HORMAD1: variants seen among roughly 807,000 people sequenced by gnomAD.
HORMAD1 encodes the protein HORMA domain containing 1.
HORMAD1 carries 33 observed loss-of-function variants against 58.2 expected under a neutral mutation model. That is an observed-to-expected ratio of 0.57 (90% CI 0.43 to 0.76). The LOEUF is 0.76. Among genes scored for constraint, HORMAD1 ranks in the 30% least tolerant of loss-of-function variants. The pLI, the probability that HORMAD1 is intolerant of heterozygous loss-of-function variation, is 0.00. For missense variants in HORMAD1, 363 were observed against 462.0 expected (o/e 0.79, Z 1.96); for synonymous variants, 137 against 144.6 (o/e 0.95, Z 0.38).
intron 10 of HORMAD1, among the ~76,000 whole-genome samples, chr1:150,704,750 A>C (rs1390325119): frequency 6.0e-5 from 9 of 151,122 alleles, no homozygotes; most frequent in Admixed American, 5.9e-4. Context: ...ACAAACAAAC[A>C]AAAAAACCCA....
chr1:150,711,763 G>C, intron 6 of HORMAD1, 70 bp downstream of exon 6: 2 of 1,050,152 alleles, frequency 1.9e-6, no homozygotes, highest in Non-Finnish European at 1.5e-6. Flanking sequence ...GATAGTTTTA[G>C]TGTCATTTAA....
At chr1:150,720,065 C>CACCACAGCCAGCATAT (rs58677366) in intron 1 of HORMAD1, among the ~76,000 whole-genome samples, 49,570 of 149,924 alleles carry the variant, frequency 0.33, 8,450 homozygotes, top group South Asian at 0.52. Context: ...AGGTGCCCAC[C>CACCACAGCCAGCATAT]ATATATATAT....
chr1:150,709,939 C>T (rs1182982462), intron 7 of HORMAD1, among the ~76,000 whole-genome samples: 2 of 152,138 alleles, frequency 1.3e-5, no homozygotes, highest in Non-Finnish European at 2.9e-5. Context: ...GACATAGATT[C>T]TATTGCTCAC....
At chr1:150,710,602 CTA>C (rs1651845540) in intron 7 of HORMAD1, among the ~76,000 whole-genome samples, 2 of 152,170 alleles carry the variant, frequency 1.3e-5, no homozygotes, top group African/African-American at 2.4e-5. Flanking sequence ...TGAACACAAT[CTA>C]TTAATTCACA....
At position 150,706,676 on chromosome 1, in the gene HORMAD1, G is replaced by A. The variant is rs779694872; in HGVS notation, c.681C>T (p.Thr227=). The A allele has an allele frequency of 2.5e-6, 4 of 1,613,194 alleles. No homozygotes were observed. Among genetic ancestry groups the A allele is most frequent in the South Asian group, 2.2e-5 (2 of 91,044 alleles). The part of the protein sequence containing the change: ...TPFHIFKVKV[T]TERERMENID... ...TATTTTCCATTCGTTCTCTCTCAGT[G>A]GTCACTTTTACTTTGAAGATGTGAA... The change falls in exon 10 of 15, where the codon ACC becomes ACT. Residue 227 remains threonine (T), a synonymous_variant. Coordinates refer to ENST00000361824, the MANE Select transcript of HORMAD1 (RefSeq NM_032132.5).
At chr1:150,714,181 T>C in intron 4 of HORMAD1, 60 bp from the exon 5 acceptor site, 2 of 1,046,222 alleles carry the variant, frequency 1.9e-6, no homozygotes, top group Non-Finnish European at 2.9e-6. Flanking sequence ...AATAGTTATT[T>C]TCATAAATTT....
intron 9 of HORMAD1, among the ~76,000 whole-genome samples, chr1:150,707,295 C>T (rs1183743497): frequency 1.3e-5 from 2 of 152,070 alleles, no homozygotes; most frequent in African/African-American, 2.4e-5. Context: ...GAGCTCATAC[C>T]ATTCCATACC....
intron 7 of HORMAD1, 29 bp from the exon 8 acceptor site, chr1:150,708,990 T>G: frequency 1.8e-6 from 2 of 1,087,262 alleles, no homozygotes; most frequent in Non-Finnish European, 2.8e-6. Context: ...CAGTTATGCT[T>G]CTGATATTCA....
At chr1:150,699,333 T>G (rs970322153) in intron 14 of HORMAD1, among the ~76,000 whole-genome samples, 1 of 152,108 alleles carries the variant, frequency 6.6e-6, no homozygotes, top group Non-Finnish European at 1.5e-5. Context: ...TCTCCAGAGG[T>G]ACTAGGAGGA....
intron 2 of HORMAD1, among the ~76,000 whole-genome samples, 180 bp downstream of exon 2, chr1:150,719,293 A>T (rs201335673): frequency 2.3e-3 from 1 of 430 alleles, no homozygotes; most frequent in Non-Finnish European, 0.12. Flanking sequence ...AAAAAAAAAA[A>T]AGAATTCTCA....
At chr1:150,720,143 C>T (rs915706276) in intron 1 of HORMAD1, among the ~76,000 whole-genome samples, 1 of 151,892 alleles carries the variant, frequency 6.6e-6, no homozygotes, top group Non-Finnish European at 1.5e-5. Flanking sequence ...GGCGCGATCT[C>T]GGCTCACCGC....
Position 150,704,198 on chromosome 1 carries a change from TAA to T in HORMAD1, c.872-6_872-5del, listed in dbSNP as rs367543855. On this transcript the variant is annotated splice_polypyrimidine_tract_variant and splice_region_variant and intron_variant, in intron 11 of 14. Coordinates refer to ENST00000361824, the MANE Select transcript of HORMAD1 (RefSeq NM_032132.5). Reference sequence around the variant, plus strand: ...TCCTCACAAACTAAACTTGGTTCTGTAAAAAAAAAAAAAAAAAGTTACCCGGG... The same window carrying T: ...TCCTCACAAACTAAACTTGGTTCTGTAAAAAAAAAAAAAAAGTTACCCGGG... 0.027 allele frequency: 36,400 copies of T among 1,344,684 alleles called. 1 individual carries two copies. The highest frequency in any genetic ancestry group is 0.031 in the Admixed American group (1,169 of 37,294). 83.3% of individuals were successfully genotyped at this position (1,344,684 alleles called of 1,614,324 possible).
intron 3 of HORMAD1, among the ~76,000 whole-genome samples, chr1:150,715,359 C>A (rs750368301): frequency 3.9e-5 from 6 of 152,078 alleles, no homozygotes; most frequent in Non-Finnish European, 7.4e-5. Context: ...AACAAAGAGG[C>A]CTGCAAAGAA....
intron 10 of HORMAD1, 26 bp from the exon 11 acceptor site, chr1:150,704,369 T>G (rs370164164): frequency 1.5e-5 from 22 of 1,434,054 alleles, no homozygotes; most frequent in Non-Finnish European, 1.9e-5. Flanking sequence ...AAGAAAAAAA[T>G]TGACACATTT....
chr1:150,715,623 C>T (rs968991196), intron 3 of HORMAD1, among the ~76,000 whole-genome samples: 1 of 151,868 alleles, frequency 6.6e-6, no homozygotes. Context: ...GAGATGGAGT[C>T]TCCTTATGTT....
chr1:150,718,703 C>T (rs994510780), intron 2 of HORMAD1, among the ~76,000 whole-genome samples: 1 of 152,118 alleles, frequency 6.6e-6, no homozygotes, highest in African/African-American at 2.4e-5. Flanking sequence ...CGACTCACTG[C>T]AACCTCCCCC....
rs186345156 is a variant in HORMAD1 at position 150,720,847 on chromosome 1, G to C, written c.-77C>G. ...GCGCCGGAGACCAGAAGAGCTGCAC[G>C]AGGCTGCACGCGCTGTGCCCGACGC... On this transcript the variant is annotated 5_prime_UTR_variant, in exon 1 of 15. Transcript: ENST00000361824. The C allele has an allele frequency of 1.3e-5, 2 of 152,368 alleles. No homozygotes were observed. The highest frequency in any genetic ancestry group is 1.9e-4 in the East Asian group (1 of 5,182). 9.4% of individuals were successfully genotyped at this position (152,368 alleles called of 1,614,324 possible). A position where few individuals can be genotyped will look rare whatever the true frequency, so the allele number is the denominator to read the frequency against.
At position 150,703,123 on chromosome 1, in the gene HORMAD1, T is replaced by C. The variant is rs587693090; in HGVS notation, c.1032+187A>G. Among the ~76,000 whole-genome samples, 13 of 152,310 alleles carry C rather than the reference T, an allele frequency of 8.5e-5. No individual in the cohort carries two copies. In the East Asian group the frequency reaches 2.5e-3, roughly 29 times the overall value. ...GTATCATTGCTTGTTTATTTCCAGT[T>C]ACTAAACTTCAGCTAAGACCATGAA... On this transcript the variant is annotated intron_variant, in intron 13 of 14. Transcript: ENST00000361824.
chr1:150,710,827 T>C (rs978058909), intron 7 of HORMAD1, among the ~76,000 whole-genome samples: 17 of 152,226 alleles, frequency 1.1e-4, no homozygotes, highest in African/African-American at 3.9e-4. Flanking sequence ...AATGAAACGT[T>C]ATATTGTAAC....
Sources: allele counts gnomAD v4.1 joint callset (sites outside exome capture counted in the v4.1 genomes callset), GRCh38; gene constraint gnomAD v4.1.1; transcripts MANE v1.5; gene names NCBI Gene and HGNC (gene_info 2026-07-23, HGNC 2026-07-21).